Variants in CNTNAP3B observed in about 807,000 individuals in gnomAD.
The protein encoded by CNTNAP3B is contactin associated protein family member 3B.
In CNTNAP3B, 25 loss-of-function variants were observed where a neutral mutation model predicts 108.9. That is an observed-to-expected ratio of 0.23 (90% CI 0.17 to 0.32). CNTNAP3B has a LOEUF of 0.32. CNTNAP3B is among the 10% of genes least tolerant of loss of function. The probability of loss-of-function intolerance (pLI) is 1.00; values close to 1 mark genes in which losing one functional copy is unlikely to be tolerated. For missense variants in CNTNAP3B, 252 were observed against 1,210.4 expected (o/e 0.21, Z 11.75); for synonymous variants, 103 against 473.4 (o/e 0.22, Z 10.16).
chr9:41,981,926 G>A (rs1260337070), intron 9 of CNTNAP3B, among the ~76,000 whole-genome samples: 1 of 50,066 alleles, frequency 2.0e-5, no homozygotes, highest in Non-Finnish European at 4.1e-5. Context: ...TAAATTAGCT[G>A]AATGTGGTGG....
chr9:41,935,568 A>G (rs1317110195), intron 14 of CNTNAP3B, among the ~76,000 whole-genome samples: 4 of 152,300 alleles, frequency 2.6e-5, no homozygotes, highest in African/African-American at 9.6e-5. Context: ...ATAAACTGAA[A>G]AATCAATTTT....
chr9:41,977,643 C>T (rs1231159634), intron 9 of CNTNAP3B, among the ~76,000 whole-genome samples: 10 of 125,966 alleles, frequency 7.9e-5, no homozygotes, highest in Middle Eastern at 7.7e-3. Flanking sequence ...TTTGAGACGG[C>T]GTCTCACTCT....
chr9:42,070,848 G>A (rs1393400655), intron 3 of CNTNAP3B, among the ~76,000 whole-genome samples: 1 of 151,912 alleles, frequency 6.6e-6, no homozygotes, highest in Non-Finnish European at 1.5e-5. Flanking sequence ...GGCCATGGGA[G>A]ATCTACTAAT....
At chr9:42,085,550 T>C (rs1379107514) in intron 2 of CNTNAP3B, among the ~76,000 whole-genome samples, 2 of 137,170 alleles carry the variant, frequency 1.5e-5, no homozygotes, top group African/African-American at 5.9e-5. Context: ...ATTAAAGACA[T>C]GTACTTCATC....
intron 3 of CNTNAP3B, among the ~76,000 whole-genome samples, chr9:42,018,882 G>C (rs1408280586): frequency 6.6e-6 from 1 of 150,846 alleles, no homozygotes; most frequent in Non-Finnish European, 1.5e-5. Flanking sequence ...AGACTCTCAC[G>C]TATCTCTAAA....
At chr9:41,930,119 C>T (rs11534417) in intron 14 of CNTNAP3B, among the ~76,000 whole-genome samples, 1 of 152,414 alleles carries the variant, frequency 6.6e-6, no homozygotes, top group East Asian at 1.9e-4. Flanking sequence ...GTATTTCTTT[C>T]CTTGTTAACT....
At chr9:41,933,767 C>A (rs1824052690) in intron 14 of CNTNAP3B, among the ~76,000 whole-genome samples, 1 of 152,256 alleles carries the variant, frequency 6.6e-6, no homozygotes, top group African/African-American at 2.4e-5. Flanking sequence ...TATTTTATTT[C>A]CTCTTGTGTC....
intron 3 of CNTNAP3B, among the ~76,000 whole-genome samples, chr9:42,046,274 T>A (rs1826873989): frequency 9.6e-6 from 1 of 104,632 alleles, no homozygotes; most frequent in African/African-American, 4.2e-5. Context: ...GTTTTTAACT[T>A]GAAGATCTAA....
chr9:41,934,515 C>A (rs1284053153), intron 14 of CNTNAP3B, among the ~76,000 whole-genome samples: 1 of 152,252 alleles, frequency 6.6e-6, no homozygotes, highest in Non-Finnish European at 1.5e-5. Context: ...GCCACGGCGC[C>A]CTGCCACTTC....
At chr9:41,917,060 T>C (rs1314567094) in intron 18 of CNTNAP3B, among the ~76,000 whole-genome samples, 1 of 151,330 alleles carries the variant, frequency 6.6e-6, no homozygotes, top group African/African-American at 2.5e-5. Context: ...CTTCTGTATC[T>C]TAGATTAATG....
chr9:41,966,455 A>ATG (rs1234425198), intron 10 of CNTNAP3B, among the ~76,000 whole-genome samples: 2 of 152,284 alleles, frequency 1.3e-5, no homozygotes, highest in Non-Finnish European at 2.9e-5. Flanking sequence ...AGTAGCTAGC[A>ATG]TGCAGAAGAC....
At chr9:42,114,842 TCAGGAGTTTGAGACGAGC>T (rs1828277310) in intron 1 of CNTNAP3B, among the ~76,000 whole-genome samples, 1 of 136,818 alleles carries the variant, frequency 7.3e-6, no homozygotes, top group Non-Finnish European at 1.6e-5. Context: ...GATCACAAGG[TCAGGAGTTTGAGACGAGC>T]CTGGCCAACA....
chr9:41,932,256 C>G (rs1823999547), intron 14 of CNTNAP3B, among the ~76,000 whole-genome samples: 1 of 152,068 alleles, frequency 6.6e-6, no homozygotes, highest in South Asian at 2.1e-4. Flanking sequence ...ACCATAATCT[C>G]TTGGAGCAGT....
intron 3 of CNTNAP3B, among the ~76,000 whole-genome samples, chr9:42,033,370 T>A (rs930779721): frequency 8.0e-5 from 12 of 149,266 alleles, no homozygotes; most frequent in African/African-American, 3.0e-4. Flanking sequence ...ATATAAACTG[T>A]CTCTTGCTGA....
In CNTNAP3B at chr9:42,079,397, G is replaced by A. The variant is rs1432940682; in HGVS notation, c.197-2335C>T. ...TCCTAAGCCTATGTAAACTTTAATT[G>A]GTGGGAGATCCTTTTGGGGTTGGTC... On this transcript the variant is annotated intron_variant, in intron 2 of 23. Coordinates refer to ENST00000377561, the MANE Select transcript of CNTNAP3B (RefSeq NM_001201380.3). Among the ~76,000 whole-genome samples the A allele has an allele frequency of 3.8e-5, 5 of 133,056 alleles. No individual in the cohort carries two copies. The East Asian group carries it at 9.1e-4, about 24-fold the overall frequency. 87.3% of individuals were successfully genotyped at this position (133,056 alleles called of 152,430 possible).
intron 1 of CNTNAP3B, among the ~76,000 whole-genome samples, chr9:42,123,673 T>A (rs958353016): frequency 7.2e-6 from 1 of 138,044 alleles, no homozygotes; most frequent in Non-Finnish European, 1.5e-5. Context: ...ATCATTTTCC[T>A]AACTCTACAT....
rs77805259 is a variant in CNTNAP3B at position 42,094,359 on chromosome 9, A to C, written c.196+10270T>G. On this transcript the variant is annotated intron_variant, in intron 2 of 23. Coordinates refer to ENST00000377561, the MANE Select transcript of CNTNAP3B (RefSeq NM_001201380.3). ...AAAGCGTTGCATTTAAAAAAAAAAAACAAAGAGGGCGGGGGCTGGGTATGG... is the reference window on the plus strand; with the variant it reads ...AAAGCGTTGCATTTAAAAAAAAAAACCAAAGAGGGCGGGGGCTGGGTATGG... Among the ~76,000 whole-genome samples the C allele has an allele frequency of 1.5e-5, 2 of 133,196 alleles. 1 individual carries two copies. The highest frequency in any genetic ancestry group is 6.1e-5 in the African/African-American group (2 of 32,660). 87.4% of individuals were successfully genotyped at this position (133,196 alleles called of 152,430 possible).
intron 1 of CNTNAP3B, among the ~76,000 whole-genome samples, chr9:42,115,387 G>C (rs945062197): frequency 1.5e-5 from 2 of 135,860 alleles, no homozygotes; most frequent in Non-Finnish European, 1.6e-5. Context: ...CATGGAGTTT[G>C]AGATCTGAGA....
chr9:42,016,883 C>T (rs1243529121), intron 3 of CNTNAP3B, among the ~76,000 whole-genome samples: 2 of 150,972 alleles, frequency 1.3e-5, no homozygotes, highest in African/African-American at 2.5e-5. Context: ...GATTATAAAT[C>T]ATTTATTTTT....
Sources: allele counts gnomAD v4.1 joint callset (sites outside exome capture counted in the v4.1 genomes callset), GRCh38; gene constraint gnomAD v4.1.1; transcripts MANE v1.5; gene names NCBI Gene and HGNC (gene_info 2026-07-23, HGNC 2026-07-21).